Variants in RBFOX1 observed in about 807,000 individuals in gnomAD.
The protein encoded by RBFOX1 is RNA binding protein fox-1 homolog 1.
In RBFOX1, 8 loss-of-function variants were observed where a neutral mutation model predicts 57.7. That is an observed-to-expected ratio of 0.14 (90% CI 0.08 to 0.25). The LOEUF (loss-of-function observed/expected upper bound fraction) is 0.25. RBFOX1 is among the 10% of genes least tolerant of loss of function. The pLI is 1.00. For synonymous variants in RBFOX1, 326 were observed against 222.4 expected, an observed-to-expected ratio of 1.47 and a Z score of -4.15; for missense variants, 611 against 548.5, an observed-to-expected ratio of 1.11 and a Z score of -1.14.
intron 1 of RBFOX1, chr16:5,289,142 CACA>C (rs1177055032): frequency 8.6e-6 from 2 of 232,676 alleles, no homozygotes; most frequent in South Asian, 9.1e-5. Context: ...AAAAAAAACA[CACA>C]ACAATAACAT....
chr16:6,350,489 A>AAAAAAAAAAAC (rs1567992960), intron 2 of RBFOX1, among the ~76,000 whole-genome samples: 7 of 117,530 alleles, frequency 6.0e-5, no homozygotes, highest in African/African-American at 2.0e-4. Flanking sequence ...AAAAAAAAAA[A>AAAAAAAAAAAC]AAAAAAAAAA....
At chr16:6,241,889 C>T (rs924081527) in intron 1 of RBFOX1, among the ~76,000 whole-genome samples, 1 of 152,112 alleles carries the variant, frequency 6.6e-6, no homozygotes, top group Non-Finnish European at 1.5e-5. Flanking sequence ...CACATGGACA[C>T]TTTTAGGAAT....
intron 2 of RBFOX1, among the ~76,000 whole-genome samples, chr16:5,531,293 A>G (rs1424144599): frequency 6.6e-6 from 1 of 152,132 alleles, no homozygotes; most frequent in East Asian, 1.9e-4. Context: ...ATCTTGCAGC[A>G]GACAGGGGTA....
intron 3 of RBFOX1, among the ~76,000 whole-genome samples, chr16:5,800,448 C>T (rs1463453794): frequency 6.6e-6 from 1 of 152,110 alleles, no homozygotes; most frequent in Non-Finnish European, 1.5e-5. Flanking sequence ...GGCTCTGCAC[C>T]CCCAGCACGC....
intron 2 of RBFOX1, among the ~76,000 whole-genome samples, chr16:5,563,219 G>A (rs2045948979): frequency 6.6e-6 from 1 of 152,184 alleles, no homozygotes; most frequent in Non-Finnish European, 1.5e-5. Flanking sequence ...AAAGTGTTGG[G>A]ATTACAGGCG....
chr16:7,708,226 G>C (rs1464256293), intron 14 of RBFOX1, among the ~76,000 whole-genome samples: 1 of 151,830 alleles, frequency 6.6e-6, no homozygotes, highest in Admixed American at 6.6e-5. Flanking sequence ...CCTTGAGCAA[G>C]TGACTTCACT....
chr16:7,366,097 G>T (rs2097440264), intron 4 of RBFOX1, among the ~76,000 whole-genome samples: 1 of 152,150 alleles, frequency 6.6e-6, no homozygotes, highest in South Asian at 2.1e-4. Flanking sequence ...TATGGCCTAG[G>T]TGTAGAGCTG....
chr16:7,293,567 G>C (rs941889050), intron 4 of RBFOX1, among the ~76,000 whole-genome samples: 1 of 152,120 alleles, frequency 6.6e-6, no homozygotes, highest in African/African-American at 2.4e-5. Flanking sequence ...CAGAGACAGG[G>C]AATATAAGAA....
chr16:6,042,597 A>G (rs1442263764), intron 1 of RBFOX1, among the ~76,000 whole-genome samples: 2 of 152,174 alleles, frequency 1.3e-5, no homozygotes, highest in East Asian at 1.9e-4. Flanking sequence ...TTAAAAAAAG[A>G]AACTCTGGAA....
At chr16:6,993,208 T>C (rs185874277) in intron 3 of RBFOX1, among the ~76,000 whole-genome samples, 1 of 151,054 alleles carries the variant, frequency 6.6e-6, no homozygotes, top group African/African-American at 2.4e-5. Flanking sequence ...ATGGTATTGA[T>C]AGCTGTGCAA....
intron 2 of RBFOX1, among the ~76,000 whole-genome samples, chr16:5,584,504 T>G (rs1302047213): frequency 6.6e-6 from 1 of 152,232 alleles, no homozygotes; most frequent in African/African-American, 2.4e-5. Context: ...ACATTTTTCA[T>G]GCTGTGAGTT....
intron 3 of RBFOX1, among the ~76,000 whole-genome samples, chr16:6,792,836 C>T (rs2083228596): frequency 6.6e-6 from 1 of 152,066 alleles, no homozygotes; most frequent in Non-Finnish European, 1.5e-5. Context: ...CAAGACCAGC[C>T]TGGACAAGAT....
intron 3 of RBFOX1, among the ~76,000 whole-genome samples, chr16:7,049,518 T>C (rs928474764): frequency 6.6e-6 from 1 of 152,152 alleles, no homozygotes; most frequent in Non-Finnish European, 1.5e-5. Context: ...TTAAGACTCA[T>C]CTGTCTTGTT....
chr16:7,360,517 A>T (rs148363299), intron 4 of RBFOX1, among the ~76,000 whole-genome samples: 1 of 152,186 alleles, frequency 6.6e-6, no homozygotes, highest in African/African-American at 2.4e-5. Flanking sequence ...CCTTCCTGGT[A>T]TCAGAAAACC....
chr16:5,500,468 C>T lies in RBFOX1; in HGVS notation c.258+33214C>T, dbSNP rs140485078. Reference sequence around the variant, plus strand: ...AACTCCTGGACTCACGCAATCGTCCCGCCTCCACCTCCCAAAGTGTTGGGA... The same window carrying T: ...AACTCCTGGACTCACGCAATCGTCCTGCCTCCACCTCCCAAAGTGTTGGGA... On this transcript the variant is annotated intron_variant, in intron 2 of 2. Transcript: ENST00000585867. Among the ~76,000 whole-genome samples, 195 of 152,074 alleles carry T rather than the reference C, an allele frequency of 1.3e-3. 2 individuals are homozygous for T. The highest frequency in any genetic ancestry group is 9.1e-3 in the East Asian group (47 of 5,152).
chr16:6,957,974 C>T (rs1162679296), intron 3 of RBFOX1, among the ~76,000 whole-genome samples: 2 of 152,092 alleles, frequency 1.3e-5, no homozygotes, highest in African/African-American at 2.4e-5. Flanking sequence ...CTCTTGGTTA[C>T]ACAGGACCAG....
intron 1 of RBFOX1, among the ~76,000 whole-genome samples, chr16:5,429,710 T>C (rs1211540247): frequency 2.6e-5 from 4 of 152,188 alleles, no homozygotes; most frequent in Admixed American, 2.0e-4. Flanking sequence ...TTCAAAACCG[T>C]CTCAAATACA....
intron 2 of RBFOX1, among the ~76,000 whole-genome samples, chr16:6,449,014 G>C (rs936842324): frequency 3.3e-5 from 5 of 152,170 alleles, no homozygotes; most frequent in African/African-American, 1.2e-4. Context: ...GAAAAAGAAG[G>C]TAGCAGTTAT....
At chr16:7,360,457 G>A (rs1291976823) in intron 4 of RBFOX1, among the ~76,000 whole-genome samples, 2 of 152,156 alleles carry the variant, frequency 1.3e-5, no homozygotes, top group African/African-American at 4.8e-5. Context: ...GAGAATGGGA[G>A]AAGCCTTTAC....
Sources: allele counts gnomAD v4.1 joint callset (sites outside exome capture counted in the v4.1 genomes callset), GRCh38; gene constraint gnomAD v4.1.1; transcripts MANE v1.5; gene names NCBI Gene and HGNC (gene_info 2026-07-23, HGNC 2026-07-21).